Variants in UVRAG observed in about 807,000 individuals in gnomAD.
UVRAG encodes the protein UV radiation resistance-associated gene protein.
UVRAG carries 19 observed loss-of-function variants against 78.0 expected under a neutral mutation model. The observed-to-expected ratio is 0.24, with a 90% CI of 0.17 to 0.36. The LOEUF (loss-of-function observed/expected upper bound fraction) is 0.36. Ranked by LOEUF, UVRAG falls within the 10% of genes least tolerant of loss-of-function variation. The pLI is 1.00. For missense variants in UVRAG, 740 were observed against 853.8 expected, an observed-to-expected ratio of 0.87 and a Z score of 1.66; for synonymous variants, 323 against 324.6, an observed-to-expected ratio of 1.00 and a Z score of 0.05.
intron 8 of UVRAG, among the ~76,000 whole-genome samples, chr11:75,989,727 A>C (rs1392653637): frequency 6.6e-6 from 1 of 152,160 alleles, no homozygotes; most frequent in Non-Finnish European, 1.5e-5. Flanking sequence ...CTCAAATGAA[A>C]GTTTCCTGCT....
At chr11:75,997,773 C>A (rs1157580495) in intron 8 of UVRAG, among the ~76,000 whole-genome samples, 1 of 152,114 alleles carries the variant, frequency 6.6e-6, no homozygotes, top group Admixed American at 6.5e-5. Flanking sequence ...CCTGATAGAA[C>A]CATCAGAGGC....
intron 14 of UVRAG, 109 bp from the exon 15 acceptor site, chr11:76,140,601 CT>C: frequency 9.4e-7 from 1 of 1,068,740 alleles, no homozygotes; most frequent in Admixed American, 2.8e-5. Context: ...TGATTCTTAT[CT>C]ATTTTTATTA....
intron 5 of UVRAG, among the ~76,000 whole-genome samples, chr11:75,893,962 A>G (rs1383396659): frequency 6.6e-6 from 1 of 152,176 alleles, no homozygotes; most frequent in Non-Finnish European, 1.5e-5. Context: ...TTTTAAATGC[A>G]TAAAGATTGA....
chr11:75,988,684 T>G (rs1003889993), intron 8 of UVRAG, among the ~76,000 whole-genome samples: 1 of 152,252 alleles, frequency 6.6e-6, no homozygotes, highest in Non-Finnish European at 1.5e-5. Context: ...TAAGCTGTTA[T>G]GCATTTTCAA....
rs1311380378 is a variant in UVRAG at position 75,951,330 on chromosome 11, T to TGC, written c.594-10113_594-10112insCG. On this transcript the variant is annotated intron_variant, in intron 6 of 14. Transcript: ENST00000356136. ...GATTCTTTCTATAATCTGAAATGTGTGTGTGTGTGTGTGTGTGTGTGTGTG... is the reference window on the plus strand; with the variant it reads ...GATTCTTTCTATAATCTGAAATGTGTGCGTGTGTGTGTGTGTGTGTGTGTGTG... 4.7e-3 allele frequency among the ~76,000 whole-genome samples: 163 copies of TGC among 34,824 alleles called. 2 individuals are homozygous for TGC. The highest frequency in any genetic ancestry group is 2.6e-3 in the South Asian group (4 of 1,512). The allele number at this position is 34,824 out of a possible 152,430, so 22.8% of individuals were successfully genotyped here. A position where few individuals can be genotyped will look rare whatever the true frequency, so the allele number is the denominator to read the frequency against.
intron 1 of UVRAG, among the ~76,000 whole-genome samples, chr11:75,833,051 T>A (rs1424541727): frequency 6.6e-6 from 1 of 152,208 alleles, no homozygotes; most frequent in Non-Finnish European, 1.5e-5. Flanking sequence ...ATTTGGAATT[T>A]GGAATTTGGA....
chr11:75,905,921 T>A (rs568081361), intron 5 of UVRAG, among the ~76,000 whole-genome samples: 52 of 152,300 alleles, frequency 3.4e-4, no homozygotes, highest in African/African-American at 1.2e-3. Context: ...AATACATTCC[T>A]AATAGCAATA....
intron 13 of UVRAG, among the ~76,000 whole-genome samples, chr11:76,114,934 A>G (rs1290492053): frequency 6.6e-6 from 1 of 152,234 alleles, no homozygotes; most frequent in East Asian, 1.9e-4. Context: ...GCCCCTTCAC[A>G]TTTGTACACA....
At chr11:75,850,211 G>A (rs1278026977) in intron 1 of UVRAG, among the ~76,000 whole-genome samples, 1 of 152,208 alleles carries the variant, frequency 6.6e-6, no homozygotes, top group Non-Finnish European at 1.5e-5. Flanking sequence ...TTTAGGCATG[G>A]AAAGTTGGGG....
rs115626316 is a variant in UVRAG at position 75,971,153 on chromosome 11, G to T, written c.699+9604G>T. On this transcript the variant is annotated intron_variant, in intron 7 of 14. Transcript: ENST00000356136. Reference sequence around the variant, plus strand: ...GCTTCTTTCATTTAGCAATATGCATGTACAATTTCTCTTTTGATGGGTTGA... The same window carrying T: ...GCTTCTTTCATTTAGCAATATGCATTTACAATTTCTCTTTTGATGGGTTGA... Among the ~76,000 whole-genome samples the T allele has an allele frequency of 8.4e-3, 1,280 of 152,240 alleles. 23 individuals carry two copies. The highest frequency in any genetic ancestry group is 0.029 in the African/African-American group (1,221 of 41,524).
At chr11:75,976,490 C>T (rs1436617171) in intron 7 of UVRAG, among the ~76,000 whole-genome samples, 2 of 152,146 alleles carry the variant, frequency 1.3e-5, no homozygotes, top group Non-Finnish European at 2.9e-5. Flanking sequence ...GTGAATCTGT[C>T]TGGTCCTGGA....
chr11:76,105,269 G>T (rs1951950111), intron 13 of UVRAG, among the ~76,000 whole-genome samples: 1 of 152,176 alleles, frequency 6.6e-6, no homozygotes, highest in African/African-American at 2.4e-5. Flanking sequence ...GCCAGACGTG[G>T]TGGTGCACAC....
intron 13 of UVRAG, among the ~76,000 whole-genome samples, chr11:76,092,948 C>A (rs557697366): frequency 2.5e-4 from 38 of 152,190 alleles, no homozygotes; most frequent in African/African-American, 8.9e-4. Flanking sequence ...AGGTTTTCTT[C>A]TAGGATTTTT....
At chr11:75,911,345 A>T in intron 5 of UVRAG, 1 of 168,284 alleles carries the variant, frequency 5.9e-6, no homozygotes, top group Non-Finnish European at 1.3e-5. Flanking sequence ...CCTTGACTCC[A>T]CTTCCGTGTC....
chr11:76,122,048 A>T (rs1330586467), intron 14 of UVRAG, among the ~76,000 whole-genome samples: 1 of 152,130 alleles, frequency 6.6e-6, no homozygotes, highest in Admixed American at 6.5e-5. Flanking sequence ...GAGCTGTTCT[A>T]CTCATGGAAT....
intron 12 of UVRAG, among the ~76,000 whole-genome samples, chr11:76,018,598 G>A (rs777929130): frequency 6.6e-6 from 1 of 152,064 alleles, no homozygotes; most frequent in Admixed American, 6.5e-5. Context: ...TAGTAGAGAC[G>A]AGGTTTCACC....
intron 13 of UVRAG, among the ~76,000 whole-genome samples, chr11:76,072,513 GA>G (rs1297705397): frequency 6.6e-6 from 1 of 152,188 alleles, no homozygotes; most frequent in Non-Finnish European, 1.5e-5. Flanking sequence ...TCAGATGCAT[GA>G]AGGATGGTGG....
intron 1 of UVRAG, among the ~76,000 whole-genome samples, chr11:75,831,196 A>T (rs1160776922): frequency 6.6e-6 from 1 of 152,150 alleles, no homozygotes. Context: ...GGGACTCATA[A>T]TCTAGTGGGT....
At position 75,839,862 on chromosome 11, in the gene UVRAG, T is replaced by TAGAGAG. The variant is rs1555071898; in HGVS notation, c.118-12007_118-12002dup. On this transcript the variant is annotated intron_variant, in intron 1 of 14. Transcript: ENST00000356136. ...ATACACACCCCCACACATATATATA[T>TAGAGAG]AGAGAGAGAGAGAGAGAGAAAGAGA... 9.4e-3 allele frequency among the ~76,000 whole-genome samples: 1,401 copies of TAGAGAG among 149,020 alleles called. 22 individuals carry two copies. Among genetic ancestry groups the TAGAGAG allele is most frequent in the African/African-American group, 0.034 (1,355 of 40,332 alleles).
Sources: gnomAD v4.1 joint callset for allele counts (sites outside exome capture counted in the v4.1 genomes callset) on GRCh38, gnomAD v4.1.1 for gene constraint, MANE v1.5 for transcripts, NCBI Gene and HGNC (gene_info 2026-07-23, HGNC 2026-07-21) for gene names.